CKM: variants seen among roughly 807,000 people sequenced by gnomAD.
CKM encodes the protein creatine kinase M-type.
In CKM, 28 loss-of-function variants were observed where a neutral mutation model predicts 35.4. The observed-to-expected ratio is 0.79, with a 90% CI of 0.59 to 1.08. CKM has a LOEUF of 1.08. Ranked by LOEUF, CKM falls within the 50% of genes least tolerant of loss-of-function variation. CKM has a pLI of 0.00. For synonymous variants in CKM, 215 were observed against 204.4 expected (o/e 1.05, Z -0.44); for missense variants, 484 against 509.8 (o/e 0.95, Z 0.49).
At chr19:45,308,178 G>C (rs1273001208) in intron 6 of CKM, among the ~76,000 whole-genome samples, 2 of 151,922 alleles carry the variant, frequency 1.3e-5, no homozygotes, top group African/African-American at 2.4e-5. Flanking sequence ...GGATCCTTAC[G>C]GGCGGGGCTT....
chr19:45,306,578 G>C lies in CKM; in HGVS notation c.*172C>G, dbSNP rs1971053421. 1 of 674,608 alleles carries C rather than the reference G, an allele frequency of 1.5e-6. No homozygotes were observed. The highest frequency in any genetic ancestry group is 1.8e-5 in the African/African-American group (1 of 56,068). 41.8% of individuals were successfully genotyped at this position (674,608 alleles called of 1,614,324 possible). ...TTCATTGGCCAGAATCCAGAGGATGGAGCCCATTGGTTGGAACTCTGGTTG... is the reference window on the plus strand; with the variant it reads ...TTCATTGGCCAGAATCCAGAGGATGCAGCCCATTGGTTGGAACTCTGGTTG... On this transcript the variant is annotated 3_prime_UTR_variant, in exon 8 of 8. Transcript: ENST00000221476. This position sits in a 1 kb window ranked among gnomAD's most constrained non-coding sequence, Gnocchi z 4.5.
At chr19:45,318,154 T>A (rs927554764) in intron 2 of CKM, among the ~76,000 whole-genome samples, 175 bp from the exon 3 acceptor site, 2 of 152,074 alleles carry the variant, frequency 1.3e-5, no homozygotes, top group Non-Finnish European at 2.9e-5. Context: ...ATGCCTGCAA[T>A]CCCAGCACTT....
intron 1 of CKM, among the ~76,000 whole-genome samples, chr19:45,320,956 A>G: frequency 6.6e-6 from 1 of 151,778 alleles, no homozygotes. Context: ...GCTAGAGTGC[A>G]GTGGCATAAT....
Position 45,315,849 on chromosome 19 carries a change from C to CTTTTTTTTTT in CKM, c.349-253_349-252insAAAAAAAAAA, listed in dbSNP as rs376961493. 1.2e-3 allele frequency among the ~76,000 whole-genome samples: 163 copies of CTTTTTTTTTT among 135,592 alleles called. 4 individuals are homozygous for CTTTTTTTTTT. Among genetic ancestry groups the CTTTTTTTTTT allele is most frequent in the African/African-American group, 1.5e-3 (57 of 37,798 alleles). The allele number at this position is 135,592 out of a possible 152,430, so 89.0% of individuals were successfully genotyped here. On this transcript the variant is annotated intron_variant, in intron 3 of 7. Transcript: ENST00000221476. ...TCCCCATCTTCGTATATTTCTTTTCCTTTTTTTTCTTCGAGACAGGGTCTC... is the reference window on the plus strand; with the variant it reads ...TCCCCATCTTCGTATATTTCTTTTCCTTTTTTTTTTTTTTTTTTCTTCGAGACAGGGTCTC...
chr19:45,307,008 A>C (rs1599813195), intron 7 of CKM, 80 bp from the exon 8 acceptor site: 17 of 1,427,508 alleles, frequency 1.2e-5, no homozygotes, highest in African/African-American at 1.4e-5. Context: ...GCCAAATGCA[A>C]CAGCCGCATG....
At chr19:45,312,025 G>GC in intron 4 of CKM, 105 bp from the exon 5 acceptor site, 1 of 1,331,744 alleles carries the variant, frequency 7.5e-7, no homozygotes, top group Non-Finnish European at 1.1e-6. Flanking sequence ...CTGGGCCTTG[G>GC]CCCCCTGGAT....
intron 4 of CKM, 85 bp downstream of exon 4, chr19:45,315,380 G>A (rs558666750): frequency 6.8e-6 from 10 of 1,478,258 alleles, no homozygotes; most frequent in East Asian, 4.7e-5. Flanking sequence ...AAAAGCGGGG[G>A]CCCAAAGAGA....
intron 5 of CKM, among the ~76,000 whole-genome samples, chr19:45,309,741 C>T (rs1457704700): frequency 6.6e-6 from 1 of 151,266 alleles, no homozygotes; most frequent in Admixed American, 6.6e-5. Context: ...ACATGCCTGT[C>T]GTCCTAGCTA....
At chr19:45,318,086 G>T in intron 2 of CKM, 107 bp from the exon 3 acceptor site, 1 of 881,734 alleles carries the variant, frequency 1.1e-6, no homozygotes, top group Non-Finnish European at 1.8e-6. Flanking sequence ...ATGGGGGCGG[G>T]TACATTCAAT....
In CKM at chr19:45,311,861, C is replaced by T. The variant is rs2123135743; in HGVS notation, c.541G>A (p.Glu181Lys). ...TCGATGAGCTGCTGCTGCTCCTTCT[C>T]CGTCATGCTCTTCAGAGGGTAGTAC... ...GKYYPLKSMT[E>K]KEQQQLIDDH... The change falls in exon 5 of 8, where the codon GAG (glutamate) becomes AAG (lysine). Residue 181 changes from glutamate (E) to lysine (K), a missense_variant. Physicochemically the swap from Glu to Lys is moderately conservative, Grantham distance 56. Transcript: ENST00000221476. 1 of 1,613,972 alleles carries T rather than the reference C, an allele frequency of 6.2e-7. No homozygotes were observed.
At chr19:45,311,265 G>A (rs1971106949) in intron 5 of CKM, among the ~76,000 whole-genome samples, 1 of 143,858 alleles carries the variant, frequency 7.0e-6, no homozygotes, top group Admixed American at 6.9e-5. Flanking sequence ...AGACAGTCTG[G>A]CTCTGTCGCC....
chr19:45,322,214 AC>A (rs1209438675), intron 1 of CKM, among the ~76,000 whole-genome samples: 9 of 148,054 alleles, frequency 6.1e-5, no homozygotes, highest in East Asian at 2.0e-4. Context: ...CAGGGTGGTG[AC>A]CCCCCCCACA....
At chr19:45,311,718 G>C in intron 5 of CKM, 31 bp downstream of exon 5, 1 of 1,541,018 alleles carries the variant, frequency 6.5e-7, no homozygotes, top group Non-Finnish European at 8.7e-7. Flanking sequence ...GCTGGGGGAA[G>C]AGGAAGCCAG....
chr19:45,317,933 C>T lies in CKM; in HGVS notation c.240G>A (p.Glu80=). Residue 80 remains glutamate (E), a synonymous_variant, in exon 3 of 8, where the codon GAG becomes GAA. Coordinates refer to ENST00000221476, the MANE Select transcript of CKM (RefSeq NM_001824.5). ...AGAGTTCCTTGAAAACTTCGTAGGA[C>T]TCCTCATCACCAGCCACGCAGCCCA... ...MTVGCVAGDE[E]SYEVFKELFD... 1 of 1,613,986 alleles carries T rather than the reference C, an allele frequency of 6.2e-7. No homozygotes were observed. The highest frequency in any genetic ancestry group is 1.1e-5 in the South Asian group (1 of 91,064).
chr19:45,308,154 C>A (rs1186758671), intron 6 of CKM, among the ~76,000 whole-genome samples: 1 of 152,052 alleles, frequency 6.6e-6, no homozygotes, highest in Non-Finnish European at 1.5e-5. Flanking sequence ...AGCCACCGCT[C>A]CCGGCCTGAA....
At chr19:45,315,340 C>T (rs1599818176) in intron 4 of CKM, 125 bp downstream of exon 4, 2 of 1,110,952 alleles carry the variant, frequency 1.8e-6, no homozygotes, top group East Asian at 5.1e-5. Flanking sequence ...CCCAAGCCCC[C>T]ACGATTTACC....
chr19:45,318,989 G>A (rs1463115185), intron 2 of CKM, among the ~76,000 whole-genome samples: 1 of 151,854 alleles, frequency 6.6e-6, no homozygotes, highest in African/African-American at 2.4e-5. Context: ...TGAGTAGCTT[G>A]GACCACAAGC....
At chr19:45,309,461 C>T (rs150317035) in intron 5 of CKM, among the ~76,000 whole-genome samples, 2 of 147,498 alleles carry the variant, frequency 1.4e-5, no homozygotes, top group African/African-American at 2.5e-5. Flanking sequence ...GAGGCTGAGG[C>T]GGGAGGATCA....
In CKM at chr19:45,306,647, C is replaced by T. The variant is rs1027687439; in HGVS notation, c.*103G>A. ...GGGTGGAGAGAGCCCCCAGGTGGGA[C>T]TCTGGGACAGGGGGCGGGGCGAGGA... On this transcript the variant is annotated 3_prime_UTR_variant, in exon 8 of 8. Coordinates refer to ENST00000221476, the MANE Select transcript of CKM (RefSeq NM_001824.5). The surrounding 1 kb of genome is among the most constrained non-coding windows in gnomAD (Gnocchi z 4.5). The T allele has an allele frequency of 7.8e-7, 1 of 1,275,584 alleles. No individual in the cohort carries two copies. The highest frequency in any genetic ancestry group is 1.1e-6 in the Non-Finnish European group (1 of 886,264). The allele number at this position is 1,275,584 out of a possible 1,614,324, so 79.0% of individuals were successfully genotyped here. A position where few individuals can be genotyped will look rare whatever the true frequency, so the allele number is the denominator to read the frequency against.
Sources: allele counts gnomAD v4.1 joint callset (sites outside exome capture counted in the v4.1 genomes callset), GRCh38; gene constraint gnomAD v4.1.1; non-coding constraint Gnocchi (gnomAD v3.1); transcripts MANE v1.5; gene names NCBI Gene and HGNC (gene_info 2026-07-23, HGNC 2026-07-21).